DHX37: variants seen among roughly 807,000 people sequenced by gnomAD.
DHX37 encodes probable ATP-dependent RNA helicase DHX37.
DHX37 carries 52 observed loss-of-function variants against 134.3 expected under a neutral mutation model. The observed-to-expected ratio is 0.39, with a 90% CI of 0.31 to 0.49. The LOEUF (loss-of-function observed/expected upper bound fraction) is 0.49, where lower values mean the gene tolerates loss of function less well. DHX37 is among the 20% of genes least tolerant of loss of function. The probability of loss-of-function intolerance (pLI) is 0.93; values close to 1 mark genes in which losing one functional copy is unlikely to be tolerated. For synonymous variants in DHX37, 634 were observed against 670.7 expected (o/e 0.95, Z 0.85); for missense variants, 1,344 against 1,580.8 (o/e 0.85, Z 2.54).
chr12:124,964,731 A>G (rs1477342130), intron 14 of DHX37, 105 bp from the exon 15 acceptor site: 2 of 1,523,914 alleles, frequency 1.3e-6, no homozygotes, highest in Non-Finnish European at 1.8e-6. Context: ...CTGGAGACGT[A>G]GCAAGGACAA....
Position 124,972,492 on chromosome 12 carries a change from C to G in DHX37, c.1077+11G>C, listed in dbSNP as rs181309414. 9,189 of 1,614,068 alleles carry G rather than the reference C, an allele frequency of 5.7e-3. 47 individuals are homozygous for G. Among genetic ancestry groups the G allele is most frequent in the South Asian group, 9.5e-3 (869 of 91,078 alleles). On this transcript the variant is annotated intron_variant, in intron 7 of 26. Transcript: ENST00000308736. ...CTGGCCTTGCTCTGTGAGCCAGGAT[C>G]CACAACCAACCTTCTGGATTTCTTT...
In DHX37 at chr12:124,980,356, T is replaced by C; in HGVS notation, c.738+134A>G. 1 of 1,036,172 alleles carries C rather than the reference T, an allele frequency of 9.7e-7. No homozygotes were observed. Among genetic ancestry groups the C allele is most frequent in the South Asian group, 1.7e-5 (1 of 57,808 alleles). 64.2% of individuals were successfully genotyped at this position (1,036,172 alleles called of 1,614,324 possible). Reference sequence around the variant, plus strand: ...TGCCACAGCCTCAAGGGAGGCGCAGTCACTCTCCCCTTTCCCAGATGGGGA... The same window carrying C: ...TGCCACAGCCTCAAGGGAGGCGCAGCCACTCTCCCCTTTCCCAGATGGGGA... On this transcript the variant is annotated intron_variant, in intron 4 of 26. Transcript: ENST00000308736. This position sits in a 1 kb window ranked among gnomAD's most constrained non-coding sequence, Gnocchi z 5.3.
chr12:124,971,188 C>G, intron 8 of DHX37, 114 bp downstream of exon 8: 1 of 1,479,518 alleles, frequency 6.8e-7, no homozygotes, highest in East Asian at 2.5e-5. Context: ...GGGGTACCTG[C>G]TCATGGCAGC....
intron 26 of DHX37, 43 bp from the exon 27 acceptor site, chr12:124,947,930 C>T (rs1255990815): frequency 1.2e-6 from 2 of 1,610,622 alleles, no homozygotes; most frequent in Non-Finnish European, 8.5e-7. Flanking sequence ...TGACCCTGGG[C>T]CCAGGGACTC....
chr12:124,967,890 GA>G (rs1025183135), intron 10 of DHX37, among the ~76,000 whole-genome samples: 1 of 151,896 alleles, frequency 6.6e-6, no homozygotes, highest in African/African-American at 2.4e-5. Flanking sequence ...CCAACATGAT[GA>G]AACCCCATCT....
chr12:124,967,298 C>T, intron 10 of DHX37, 80 bp from the exon 11 acceptor site: 3 of 1,469,240 alleles, frequency 2.0e-6, no homozygotes, highest in Non-Finnish European at 2.8e-6. Flanking sequence ...CCAAGCCATG[C>T]TCTGAGAGGC....
chr12:124,977,045 C>CAA lies in DHX37; in HGVS notation c.887+295_887+296dup, dbSNP rs368454437. Among the ~76,000 whole-genome samples the CAA allele has an allele frequency of 3.7e-3, 451 of 122,434 alleles. 8 individuals carry two copies. The highest frequency in any genetic ancestry group is 8.7e-3 in the African/African-American group (286 of 32,956). 80.3% of individuals were successfully genotyped at this position (122,434 alleles called of 152,430 possible). On this transcript the variant is annotated intron_variant, in intron 5 of 26. Coordinates refer to ENST00000308736, the MANE Select transcript of DHX37 (RefSeq NM_032656.4). Reference sequence around the variant, plus strand: ...GGGGTGACACAGCGAGACGCTGTCTCAAAAAAAAAAAAAAAAGGAAAAAAG... The same window carrying CAA: ...GGGGTGACACAGCGAGACGCTGTCTCAAAAAAAAAAAAAAAAAAGGAAAAAAG...
In DHX37 at chr12:124,949,930, T is replaced by G. The variant is rs1594469910; in HGVS notation, c.3290+56A>C. On this transcript the variant is annotated intron_variant, in intron 25 of 26. Coordinates refer to ENST00000308736, the MANE Select transcript of DHX37 (RefSeq NM_032656.4). The surrounding 1 kb of genome is among the most constrained non-coding windows in gnomAD (Gnocchi z 4.0). ...CTTTGTCCTGGCAGCCCCGGGGAGG[T>G]CATTCAGGCCTCGGACCCCTCCTGC... The G allele has an allele frequency of 6.5e-7, 1 of 1,533,028 alleles. No individual in the cohort carries two copies. Among genetic ancestry groups the G allele is most frequent in the Non-Finnish European group, 8.9e-7 (1 of 1,128,294 alleles). 95.0% of individuals were successfully genotyped at this position (1,533,028 alleles called of 1,614,324 possible).
rs1954747002 is a variant in DHX37, at chr12:124,980,914, C to G, written c.390-76G>C. ...AGGTCAGGACTCCAAGGCCATACCC[C>G]TTTCTGCCTCAGGGACTTTGCACCT... is the stretch of plus-strand genomic sequence containing the variant. On this transcript the variant is annotated intron_variant, in intron 3 of 26. Transcript: ENST00000308736. This position sits in a 1 kb window ranked among gnomAD's most constrained non-coding sequence, Gnocchi z 5.3. The G allele has an allele frequency of 6.8e-7, 1 of 1,479,852 alleles. No homozygotes were observed. The highest frequency in any genetic ancestry group is 2.4e-5 in the Admixed American group (1 of 41,228). The allele number at this position is 1,479,852 out of a possible 1,614,324, so 91.7% of individuals were successfully genotyped here.
chr12:124,950,613 C>T lies in DHX37; in HGVS notation c.2984-63G>A, dbSNP rs1314004702. On this transcript the variant is annotated intron_variant, in intron 22 of 26. Coordinates refer to ENST00000308736, the MANE Select transcript of DHX37 (RefSeq NM_032656.4). ...CCCTCCGTGGGAGGGGCTGCCATGCCTCTGCCCCAGGGTCCCAGCCACACC... is the reference window on the plus strand; with the variant it reads ...CCCTCCGTGGGAGGGGCTGCCATGCTTCTGCCCCAGGGTCCCAGCCACACC... The T allele has an allele frequency of 3.2e-6, 5 of 1,563,274 alleles. No homozygotes were observed. In the Admixed American group the frequency reaches 7.9e-5, roughly 25 times the overall value.
At chr12:124,973,364 A>G (rs1374251230) in intron 6 of DHX37, among the ~76,000 whole-genome samples, 1 of 152,034 alleles carries the variant, frequency 6.6e-6, no homozygotes, top group African/African-American at 2.4e-5. Context: ...AGATCGCACC[A>G]CTGAACTCCA....
At chr12:124,968,473 G>A (rs554229097) in intron 10 of DHX37, 61 bp downstream of exon 10, 71 of 1,594,344 alleles carry the variant, frequency 4.5e-5, no homozygotes, top group East Asian at 1.6e-4. Context: ...TCCCACACTC[G>A]TGCTTTCAGC....
At position 124,980,454 on chromosome 12, in the gene DHX37, A is replaced by T. The variant is rs890492952; in HGVS notation, c.738+36T>A. 10 of 1,597,336 alleles carry T rather than the reference A, an allele frequency of 6.3e-6. No homozygotes were observed. In the Admixed American group the frequency reaches 1.5e-4, roughly 23 times the overall value. On this transcript the variant is annotated intron_variant, in intron 4 of 26. Transcript: ENST00000308736. This position sits in a 1 kb window ranked among gnomAD's most constrained non-coding sequence, Gnocchi z 5.3. ...CCCTCTGTGCGCCCCTTGCCCGCTA[A>T]CCTAGATTCTTAATCACAAACACGG...
intron 6 of DHX37, among the ~76,000 whole-genome samples, chr12:124,974,144 T>C (rs7299086): frequency 0.66 from 99,991 of 150,938 alleles, 33,562 homozygotes; most frequent in East Asian, 0.78. Context: ...TTTCAAGAGA[T>C]GGGGTTTCAC....
At chr12:124,958,089 AGGT>A (rs1954138447) in intron 16 of DHX37, among the ~76,000 whole-genome samples, 1 of 152,220 alleles carries the variant, frequency 6.6e-6, no homozygotes, top group Non-Finnish European at 1.5e-5. Flanking sequence ...GGGAGCTGGG[AGGT>A]GGTGACAGAT....
At chr12:124,956,966 C>G (rs1050216897) in intron 17 of DHX37, 63 bp downstream of exon 17, 1 of 1,525,078 alleles carries the variant, frequency 6.6e-7, no homozygotes, top group African/African-American at 1.4e-5. Flanking sequence ...AGCTCAGGCC[C>G]AGCAAAAGGG....
chr12:124,949,326 C>T lies in DHX37; in HGVS notation c.3290+660G>A, dbSNP rs1007894722. Among the ~76,000 whole-genome samples, 1 of 152,198 alleles carries T rather than the reference C, an allele frequency of 6.6e-6. No homozygotes were observed. The highest frequency in any genetic ancestry group is 2.4e-5 in the African/African-American group (1 of 41,444). On this transcript the variant is annotated intron_variant, in intron 25 of 26. Coordinates refer to ENST00000308736, the MANE Select transcript of DHX37 (RefSeq NM_032656.4). The surrounding 1 kb of genome is among the most constrained non-coding windows in gnomAD (Gnocchi z 4.0). The stretch of plus-strand genomic sequence containing the variant: ...AGGCCTGCCTCCAGTGCCCCAAGCC[C>T]CTGCACCATAGGCCCCACCAGCCCC...
chr12:124,957,047 G>A lies in DHX37; in HGVS notation c.2246C>T (p.Pro749Leu), dbSNP rs375342368. Residue 749 changes from proline to leucine, a missense_variant, in exon 17 of 27, where the codon CCG becomes CTG. Physicochemically the swap from Pro to Leu is moderately conservative, Grantham distance 98 (BLOSUM62 -3). Coordinates refer to ENST00000308736, the MANE Select transcript of DHX37 (RefSeq NM_032656.4). The stretch of plus-strand genomic sequence containing the variant: ...GCCTTACCTTTCTGCTTTCTGGGGC[G>A]GTTGCAGGGCACCCAGTGCGATCAA... ...ELLIALGALQ[P>L]PQKAERVKQL... 18 of 1,514,114 alleles carry A rather than the reference G, an allele frequency of 1.2e-5. No homozygotes were observed. The highest frequency in any genetic ancestry group is 2.9e-5 in the African/African-American group (2 of 69,586). 93.8% of individuals were successfully genotyped at this position (1,514,114 alleles called of 1,614,324 possible).
intron 15 of DHX37, among the ~76,000 whole-genome samples, chr12:124,963,490 T>A (rs1191355203): frequency 6.6e-6 from 1 of 152,108 alleles, no homozygotes; most frequent in East Asian, 1.9e-4. Context: ...GCTTTAAAAT[T>A]ATGTACTTTA....
Sources: allele counts gnomAD v4.1 joint callset (sites outside exome capture counted in the v4.1 genomes callset), GRCh38; gene constraint gnomAD v4.1.1; non-coding constraint Gnocchi (gnomAD v3.1); transcripts MANE v1.5; gene names NCBI Gene and HGNC (gene_info 2026-07-23, HGNC 2026-07-21).